The following TTBK1 variants were observed in gnomAD, a reference collection of about 807,000 sequenced individuals.
TTBK1 encodes the protein tau tubulin kinase 1, also known as tau-tubulin kinase 1.
A neutral mutation model predicts 108.5 loss-of-function variants in TTBK1; 34 were observed. The ratio of observed to expected loss-of-function variants is 0.31; its 90% CI spans 0.24 to 0.42. The LOEUF (loss-of-function observed/expected upper bound fraction) is 0.42, where lower values mean the gene tolerates loss of function less well. Ranked by LOEUF, TTBK1 falls within the 10% of genes least tolerant of loss-of-function variation. The pLI, the probability that TTBK1 is intolerant of heterozygous loss-of-function variation, is 1.00. For missense variants in TTBK1, 1,539 were observed against 1,826.0 expected, an observed-to-expected ratio of 0.84 and a Z score of 2.86; for synonymous variants, 809 against 795.1, an observed-to-expected ratio of 1.02 and a Z score of -0.29.
chr6:43,253,039 C>T lies in TTBK1; in HGVS notation c.256+153C>T, dbSNP rs899936552. On this transcript the variant is annotated intron_variant, in intron 3 of 14. Coordinates refer to ENST00000259750, the MANE Select transcript of TTBK1 (RefSeq NM_032538.3). This position sits in a 1 kb window ranked among gnomAD's most constrained non-coding sequence, Gnocchi z 5.8. Reference sequence around the variant, plus strand: ...AGGAGCTAAGGGGGAGGTGACGGAGCCAGAGTCTAGGAGAGATGGGACCGG... The same window carrying T: ...AGGAGCTAAGGGGGAGGTGACGGAGTCAGAGTCTAGGAGAGATGGGACCGG... Among the ~76,000 whole-genome samples the T allele has an allele frequency of 6.6e-6, 1 of 151,954 alleles. No individual in the cohort carries two copies. Among genetic ancestry groups the T allele is most frequent in the Non-Finnish European group, 1.5e-5 (1 of 67,988 alleles).
intron 6 of TTBK1, 37 bp downstream of exon 6, chr6:43,254,688 TC>T (rs34617000): frequency 6.7e-7 from 1 of 1,494,468 alleles, no homozygotes; most frequent in Non-Finnish European, 9.0e-7. Flanking sequence ...AGTGGAGGAC[TC>T]CCCCCTACTC....
At chr6:43,244,558 A>C (rs1398594946) in intron 1 of TTBK1, among the ~76,000 whole-genome samples, 1 of 152,140 alleles carries the variant, frequency 6.6e-6, no homozygotes, top group East Asian at 1.9e-4. Flanking sequence ...TGTATCATCC[A>C]ACCCAGTCTC....
intron 6 of TTBK1, 104 bp downstream of exon 6, chr6:43,254,755 C>A: frequency 9.7e-6 from 11 of 1,129,238 alleles, no homozygotes; most frequent in Non-Finnish European, 5.0e-6. Flanking sequence ...CTGGCCTGGC[C>A]TTGTGTTCAG....
Position 43,280,957 on chromosome 6 carries a change from C to T in TTBK1, c.1987-1770C>T, listed in dbSNP as rs539375984. On this transcript the variant is annotated intron_variant, in intron 13 of 14. Coordinates refer to ENST00000259750, the MANE Select transcript of TTBK1 (RefSeq NM_032538.3). ...TGCACTTAGGAACTTCTGGAAGCAT[C>T]GGAATGCGTGGAGTGTAGGCAGGGG... is the stretch of plus-strand genomic sequence containing the variant. Among the ~76,000 whole-genome samples, 57 of 152,204 alleles carry T rather than the reference C, an allele frequency of 3.7e-4. 1 individual carries two copies. The highest frequency in any genetic ancestry group is 1.3e-3 in the African/African-American group (53 of 41,512).
At chr6:43,260,668 G>A (rs1263544973) in intron 12 of TTBK1, among the ~76,000 whole-genome samples, 3 of 152,184 alleles carry the variant, frequency 2.0e-5, no homozygotes, top group Admixed American at 6.5e-5. Context: ...GGAGAAGAGA[G>A]GTGGGAAATG....
intron 13 of TTBK1, among the ~76,000 whole-genome samples, chr6:43,277,431 T>G (rs1778030379): frequency 6.6e-6 from 1 of 152,008 alleles, no homozygotes; most frequent in Non-Finnish European, 1.5e-5. Flanking sequence ...CCCCCATACC[T>G]CCACCCCATC....
chr6:43,260,501 C>T (rs1455805256), intron 12 of TTBK1, among the ~76,000 whole-genome samples: 1 of 152,218 alleles, frequency 6.6e-6, no homozygotes, highest in Non-Finnish European at 1.5e-5. Context: ...CTGGCATCCA[C>T]TCTGTGTGTC....
At position 43,269,532 on chromosome 6, in the gene TTBK1, GC is replaced by G. The variant is rs2150701940; in HGVS notation, c.1986+6185del. 7.8e-7 allele frequency: 1 copy of G among 1,282,828 alleles called. No individual in the cohort carries two copies. Among genetic ancestry groups the G allele is most frequent in the Admixed American group, 3.1e-5 (1 of 32,302 alleles). The allele number at this position is 1,282,828 out of a possible 1,614,324, so 79.5% of individuals were successfully genotyped here. Reference sequence around the variant, plus strand: ...CCACCCTGCCTGACCCCGCCCACTTGCCCGGGACGCCGGCGCCGCAGGGGCT... The same window carrying G: ...CCACCCTGCCTGACCCCGCCCACTTGCCGGGACGCCGGCGCCGCAGGGGCT... On this transcript the variant is annotated intron_variant, in intron 13 of 14. Coordinates refer to ENST00000259750, the MANE Select transcript of TTBK1 (RefSeq NM_032538.3). The surrounding 1 kb of genome is among the most constrained non-coding windows in gnomAD (Gnocchi z 4.8).
At chr6:43,270,304 G>A in intron 13 of TTBK1, 6 of 1,089,126 alleles carry the variant, frequency 5.5e-6, no homozygotes, top group Non-Finnish European at 6.7e-6. Flanking sequence ...GGCCTGCAGG[G>A]CCAGAGGCAC....
chr6:43,253,636 G>T lies in TTBK1; in HGVS notation c.399G>T (p.Arg133=). Residue 133 remains arginine, a synonymous_variant, in exon 5 of 15, where the codon CGG becomes CGT. Coordinates refer to ENST00000259750, the MANE Select transcript of TTBK1 (RefSeq NM_032538.3). The surrounding 1 kb of genome is among the most constrained non-coding windows in gnomAD (Gnocchi z 5.8). Reference sequence around the variant, plus strand: ...CCTTCACGCTGAGCACCACATTGCGGCTGGGCAAGCAGATCTTGGAGTCCA... The same window carrying T: ...CCTTCACGCTGAGCACCACATTGCGTCTGGGCAAGCAGATCTTGGAGTCCA... ...RGTFTLSTTL[R]LGKQILESIE... 6.2e-7 allele frequency: 1 copy of T among 1,612,554 alleles called. No homozygotes were observed. The highest frequency in any genetic ancestry group is 1.3e-5 in the African/African-American group (1 of 75,018).
intron 13 of TTBK1, chr6:43,270,763 G>A (rs1448694983): frequency 1.4e-5 from 14 of 985,468 alleles, no homozygotes; most frequent in African/African-American, 3.5e-5. Flanking sequence ...GGCTGGAACT[G>A]AGCAACGAGG....
At chr6:43,275,123 C>T (rs966474839) in intron 13 of TTBK1, among the ~76,000 whole-genome samples, 12 of 152,192 alleles carry the variant, frequency 7.9e-5, no homozygotes, top group African/African-American at 2.7e-4. Context: ...GCCCACTCTC[C>T]GGACCCTGCA....
Position 43,247,131 on chromosome 6 carries a change from G to T in TTBK1, c.108+363G>T, listed in dbSNP as rs186855728. Reference sequence around the variant, plus strand: ...CTCTGACGGACCTTGGAGAAGGGCAGTGGACGAGCATGTGTCCCTCCGCTT... The same window carrying T: ...CTCTGACGGACCTTGGAGAAGGGCATTGGACGAGCATGTGTCCCTCCGCTT... On this transcript the variant is annotated intron_variant, in intron 2 of 14. Transcript: ENST00000259750. 4.3e-3 allele frequency among the ~76,000 whole-genome samples: 651 copies of T among 151,918 alleles called. 4 individuals are homozygous for T. The highest frequency in any genetic ancestry group is 0.014 in the Middle Eastern group (4 of 292).
rs1050517351 is a variant in TTBK1, at chr6:43,243,790, C to A, written c.-55+82C>A. The A allele has an allele frequency of 1.2e-4, 18 of 152,288 alleles. No individual in the cohort carries two copies. The highest frequency in any genetic ancestry group is 3.9e-4 in the African/African-American group (16 of 41,422). The allele number at this position is 152,288 out of a possible 1,614,324, so 9.4% of individuals were successfully genotyped here. ...GGGCTCCGCCTGGCTCGCCTCCCAG[C>A]GCAGCCTTCTTGGGCTCCCCTCCGC... On this transcript the variant is annotated intron_variant, in intron 1 of 14. Transcript: ENST00000259750. The surrounding 1 kb of genome is among the most constrained non-coding windows in gnomAD (Gnocchi z 5.5).
intron 12 of TTBK1, among the ~76,000 whole-genome samples, chr6:43,261,995 T>A (rs1175628485): frequency 6.6e-6 from 1 of 151,958 alleles, no homozygotes; most frequent in Non-Finnish European, 1.5e-5. Context: ...GCACTAATCC[T>A]TGTAGGATGG....
At chr6:43,244,322 C>A (rs1465737728) in intron 1 of TTBK1, among the ~76,000 whole-genome samples, 1 of 152,160 alleles carries the variant, frequency 6.6e-6, no homozygotes, top group Non-Finnish European at 1.5e-5. Context: ...CACACACCTG[C>A]TGACACCTTG....
At chr6:43,264,018 G>C (rs1386396672) in intron 13 of TTBK1, among the ~76,000 whole-genome samples, 1 of 152,080 alleles carries the variant, frequency 6.6e-6, no homozygotes, top group Non-Finnish European at 1.5e-5. Context: ...GTGATGGAGT[G>C]GGGGCCAGGG....
intron 1 of TTBK1, 140 bp from the exon 2 acceptor site, chr6:43,246,467 C>A (rs1343240955): frequency 9.8e-6 from 5 of 509,058 alleles, no homozygotes; most frequent in Non-Finnish European, 7.0e-6. Context: ...TTTATACAAT[C>A]TTTCCCCTGG....
At chr6:43,262,228 TG>T (rs1258816056) in intron 12 of TTBK1, among the ~76,000 whole-genome samples, 3 of 152,102 alleles carry the variant, frequency 2.0e-5, no homozygotes, top group African/African-American at 7.2e-5. Context: ...ACTTTGTTGT[TG>T]GGGCCGGGGA....
Sources: gnomAD v4.1 joint callset for allele counts (sites outside exome capture counted in the v4.1 genomes callset) on GRCh38, gnomAD v4.1.1 for gene constraint, Gnocchi (gnomAD v3.1) non-coding constraint, MANE v1.5 for transcripts, NCBI Gene and HGNC (gene_info 2026-07-23, HGNC 2026-07-21) for gene names.